SYNE2: variants seen among roughly 807,000 people sequenced by gnomAD.
SYNE2 encodes the protein spectrin repeat containing nuclear envelope protein 2, also known as nesprin-2.
Under a neutral mutation model 856.3 loss-of-function variants are expected in SYNE2, and 431 were observed. The observed-to-expected ratio is 0.50, with a 90% CI of 0.47 to 0.55. SYNE2 has a LOEUF of 0.55. Ranked by LOEUF, SYNE2 falls within the 20% of genes least tolerant of loss-of-function variation. SYNE2 has a pLI of 0.00. For synonymous variants in SYNE2, 2,923 were observed against 2,872.3 expected, an observed-to-expected ratio of 1.02 and a Z score of -0.56; for missense variants, 8,129 against 8,023.2, an observed-to-expected ratio of 1.01 and a Z score of -0.50.
intron 45 of SYNE2, among the ~76,000 whole-genome samples, chr14:64,035,515 ATTTTT>A (rs35030710): frequency 4.9e-5 from 6 of 121,692 alleles, no homozygotes; most frequent in Non-Finnish European, 6.6e-5. Flanking sequence ...TACATGGTAC[ATTTTT>A]TTTTTTTTTT....
In SYNE2 at chr14:64,070,775, T is replaced by C. The variant is rs748079561; in HGVS notation, c.10562T>C (p.Val3521Ala). 6.2e-7 allele frequency: 1 copy of C among 1,614,216 alleles called. No individual in the cohort carries two copies. The change falls in exon 52 of 116, where the codon GTG (valine) becomes GCG (alanine). Residue 3521 changes from valine to alanine, a missense_variant. Coordinates refer to ENST00000555002, the MANE Select transcript of SYNE2 (RefSeq NM_182914.3). ...LDCLCQYGEN[V>A]EKQQLLLTLL... ...TGTTTATGCCAATATGGAGAGAACG[T>C]GGAGAAGCAACAGCTGTTACTGACT...
intron 70 of SYNE2, among the ~76,000 whole-genome samples, chr14:64,124,452 T>C (rs1279145413): frequency 6.6e-6 from 1 of 150,680 alleles, no homozygotes; most frequent in African/African-American, 2.4e-5. Context: ...CTTGCACTCC[T>C]GGCCTCTAGG....
intron 10 of SYNE2, among the ~76,000 whole-genome samples, chr14:63,966,640 C>G (rs1743110863): frequency 6.6e-6 from 1 of 151,676 alleles, no homozygotes; most frequent in African/African-American, 2.4e-5. Context: ...TTCACTGCAA[C>G]CTCTGCCTCC....
chr14:63,881,410 C>T (rs983898836), intron 1 of SYNE2, among the ~76,000 whole-genome samples: 6 of 151,744 alleles, frequency 4.0e-5, no homozygotes, highest in Admixed American at 3.9e-4. Flanking sequence ...GGCTGTAATC[C>T]CAGCACTTTG....
At chr14:64,099,036 C>T (rs1191629957) in intron 63 of SYNE2, 3 of 549,538 alleles carry the variant, frequency 5.5e-6, no homozygotes, top group Non-Finnish European at 9.8e-6. Flanking sequence ...AATTCAGACA[C>T]TCTTGTTGGC....
chr14:63,764,764 G>C (rs950485188), intron 1 of SYNE2, among the ~76,000 whole-genome samples: 45 of 151,852 alleles, frequency 3.0e-4, no homozygotes, highest in African/African-American at 1.0e-3. Flanking sequence ...CCCAGTGTGT[G>C]ATGTTCCCCT....
Position 64,184,515 on chromosome 14 carries a change from C to T in SYNE2, c.17557-1909C>T, listed in dbSNP as rs548206530. ...CTGATTGAAACCTGGCCGGGCATAA[C>T]TCGGTGGCCGAGCCAGCACCTCTGA... On this transcript the variant is annotated intron_variant, in intron 96 of 115. Coordinates refer to ENST00000555002, the MANE Select transcript of SYNE2 (RefSeq NM_182914.3). Among the ~76,000 whole-genome samples, 10 of 152,332 alleles carry T rather than the reference C, an allele frequency of 6.6e-5. No individual in the cohort carries two copies. The South Asian group carries it at 1.7e-3, about 25-fold the overall frequency.
At chr14:63,903,069 C>G (rs566268555) in intron 1 of SYNE2, among the ~76,000 whole-genome samples, 5 of 152,252 alleles carry the variant, frequency 3.3e-5, no homozygotes, top group South Asian at 2.1e-4. Flanking sequence ...CTTTTCTACT[C>G]TGTTCCAGTT....
At chr14:64,148,006 T>C (rs2098202746) in intron 84 of SYNE2, among the ~76,000 whole-genome samples, 1 of 152,142 alleles carries the variant, frequency 6.6e-6, no homozygotes, top group Non-Finnish European at 1.5e-5. Context: ...CTAATACTCA[T>C]TATGTTATTT....
chr14:64,001,885 T>G, intron 28 of SYNE2, 49 bp from the exon 29 acceptor site: 1 of 1,604,330 alleles, frequency 6.2e-7, no homozygotes, highest in Non-Finnish European at 8.5e-7. Flanking sequence ...TTTCATAGGA[T>G]ATCTTTCTGC....
intron 65 of SYNE2, chr14:64,112,999 A>G: frequency 3.0e-6 from 3 of 985,370 alleles, no homozygotes; most frequent in Non-Finnish European, 3.6e-6. Context: ...AACGCTAAAC[A>G]CTGGCCAATT....
intron 23 of SYNE2, among the ~76,000 whole-genome samples, chr14:63,995,768 G>GAT (rs975726822): frequency 9.2e-6 from 1 of 109,064 alleles, no homozygotes; most frequent in Non-Finnish European, 2.0e-5. Context: ...TATCTATCTA[G>GAT]ATATATATAA....
chr14:63,863,412 T>C (rs1310838378), intron 1 of SYNE2, among the ~76,000 whole-genome samples: 1 of 152,234 alleles, frequency 6.6e-6, no homozygotes, highest in Non-Finnish European at 1.5e-5. Flanking sequence ...AAGCTGATTG[T>C]ATCACTTATG....
At chr14:64,000,350 T>C (rs1400672103) in intron 27 of SYNE2, among the ~76,000 whole-genome samples, 1 of 152,196 alleles carries the variant, frequency 6.6e-6, no homozygotes, top group African/African-American at 2.4e-5. Flanking sequence ...CTCCCTTGAC[T>C]TTACTGAATG....
intron 1 of SYNE2, among the ~76,000 whole-genome samples, chr14:63,895,814 T>A (rs1368048860): frequency 1.3e-5 from 2 of 151,422 alleles, no homozygotes; most frequent in African/African-American, 4.9e-5. Context: ...AAATTTACAT[T>A]TTTGTAATTT....
rs535802231 is a variant in SYNE2, at chr14:63,812,034, G to C, written c.-304-40467G>C. Among the ~76,000 whole-genome samples, 35 of 152,236 alleles carry C rather than the reference G, an allele frequency of 2.3e-4. No individual in the cohort carries two copies. The East Asian group carries it at 2.3e-3, about 10-fold the overall frequency. On this transcript the variant is annotated intron_variant, in intron 1 of 23. Transcript: ENST00000674003. ...AACATCTTAAACAACAGAAAACAGG[G>C]TTTGAGAGCAGAGAACCGGTCTGAC...
intron 2 of SYNE2, among the ~76,000 whole-genome samples, chr14:63,931,494 G>T (rs1329423255): frequency 1.3e-5 from 2 of 149,682 alleles, no homozygotes; most frequent in Non-Finnish European, 3.0e-5. Flanking sequence ...AGGTTGCAGT[G>T]AGCCGAAATC....
At chr14:63,799,519 C>T (rs1396638292) in intron 1 of SYNE2, among the ~76,000 whole-genome samples, 3 of 151,698 alleles carry the variant, frequency 2.0e-5, no homozygotes, top group Admixed American at 2.0e-4. Context: ...AGTGAAACCC[C>T]GTCTCTACTA....
intron 1 of SYNE2, among the ~76,000 whole-genome samples, chr14:63,815,543 T>C (rs1888943693): frequency 6.6e-6 from 1 of 152,054 alleles, no homozygotes; most frequent in Admixed American, 6.6e-5. Context: ...CACAGCCCAC[T>C]GACTCCAATG....
Sources: gnomAD v4.1 joint callset for allele counts (sites outside exome capture counted in the v4.1 genomes callset) on GRCh38, gnomAD v4.1.1 for gene constraint, MANE v1.5 for transcripts, NCBI Gene and HGNC (gene_info 2026-07-23, HGNC 2026-07-21) for gene names.